Variants in TECRL observed in about 807,000 individuals in gnomAD.
The protein encoded by TECRL is trans-2,3-enoyl-CoA reductase like.
A neutral mutation model predicts 52.8 loss-of-function variants in TECRL; 63 were observed. That is an observed-to-expected ratio of 1.19 (90% CI 0.97 to 1.47). The LOEUF (loss-of-function observed/expected upper bound fraction) is 1.47. Ranked by LOEUF, TECRL falls within the 40% of genes most tolerant of loss-of-function variation. TECRL has a pLI of 0.00. For synonymous variants in TECRL, 164 were observed against 141.9 expected, an observed-to-expected ratio of 1.16 and a Z score of -1.10; for missense variants, 482 against 429.6, an observed-to-expected ratio of 1.12 and a Z score of -1.08.
At chr4:64,329,664 A>G (rs1718495363) in intron 2 of TECRL, among the ~76,000 whole-genome samples, 1 of 151,908 alleles carries the variant, frequency 6.6e-6, no homozygotes, top group African/African-American at 2.4e-5. Context: ...CATAGCTGAG[A>G]GATGCTACTT....
At chr4:64,384,814 T>C (rs1723061979) in intron 1 of TECRL, among the ~76,000 whole-genome samples, 1 of 152,168 alleles carries the variant, frequency 6.6e-6, no homozygotes, top group Non-Finnish European at 1.5e-5. Context: ...GCATGAATTC[T>C]TGTGGCTTCA....
intron 1 of TECRL, among the ~76,000 whole-genome samples, chr4:64,399,356 C>CA (rs984027156): frequency 8.6e-5 from 13 of 151,198 alleles, no homozygotes; most frequent in South Asian, 4.2e-4. Context: ...TAAATGTTTG[C>CA]AAAAAAAATG....
rs543536846 is a variant in TECRL at position 64,339,203 on chromosome 4, T to C, written c.287-10647A>G. 3.8e-3 allele frequency among the ~76,000 whole-genome samples: 566 copies of C among 147,752 alleles called. 1 individual carries two copies. The highest frequency in any genetic ancestry group is 6.4e-3 in the Non-Finnish European group (433 of 67,554). Reference sequence around the variant, plus strand: ...CAATGGCAAAAAACCAAACACCACATGTTCTCACTCATAGGTGGGAATTGA... The same window carrying C: ...CAATGGCAAAAAACCAAACACCACACGTTCTCACTCATAGGTGGGAATTGA... On this transcript the variant is annotated intron_variant, in intron 2 of 11. Coordinates refer to ENST00000381210, the MANE Select transcript of TECRL (RefSeq NM_001010874.5).
chr4:64,328,989 G>C (rs1718444272), intron 2 of TECRL, among the ~76,000 whole-genome samples: 1 of 151,996 alleles, frequency 6.6e-6, no homozygotes, highest in Non-Finnish European at 1.5e-5. Flanking sequence ...TCTATCAAGA[G>C]TAAATACTAA....
intron 8 of TECRL, among the ~76,000 whole-genome samples, chr4:64,299,416 A>C (rs116796258): frequency 6.4e-4 from 97 of 151,384 alleles, no homozygotes; most frequent in African/African-American, 2.3e-3. Flanking sequence ...ACTTAAAAAA[A>C]GTGTCAAATG....
intron 2 of TECRL, among the ~76,000 whole-genome samples, chr4:64,369,979 G>T (rs2109654475): frequency 6.6e-6 from 1 of 151,778 alleles, no homozygotes; most frequent in East Asian, 1.9e-4. Flanking sequence ...CAGATTGAAA[G>T]AGTGAGGAAA....
chr4:64,282,941 C>A (rs1420107429), intron 9 of TECRL, among the ~76,000 whole-genome samples: 2 of 151,918 alleles, frequency 1.3e-5, no homozygotes, highest in Non-Finnish European at 2.9e-5. Context: ...AGGTTTTTTA[C>A]ATTAAAATGC....
Position 64,322,779 on chromosome 4 carries a change from CAAAAAAGGCCCGCCTA to C in TECRL, c.332-3_344del. 6.2e-7 allele frequency: 1 copy of C among 1,602,362 alleles called. No homozygotes were observed. Among genetic ancestry groups the C allele is most frequent in the Non-Finnish European group, 8.5e-7 (1 of 1,175,014 alleles). On this transcript the variant is annotated splice_acceptor_variant and splice_polypyrimidine_tract_variant and coding_sequence_variant and intron_variant, in exon 4 of 12. Transcript: ENST00000381210. LOFTEE classifies it high-confidence loss of function. ...TACTTTGAATGGTAATGTAGTCCTT[CAAAAAAGGCCCGCCTA>C]AAATAAAAATAACAAGAAAATTTTA...
intron 2 of TECRL, among the ~76,000 whole-genome samples, chr4:64,371,761 T>C (rs1721987901): frequency 6.6e-6 from 1 of 151,750 alleles, no homozygotes; most frequent in Non-Finnish European, 1.5e-5. Flanking sequence ...CGTTTCTACT[T>C]ACATCTATAT....
intron 1 of TECRL, among the ~76,000 whole-genome samples, chr4:64,402,059 A>G (rs144763199): frequency 0.01 from 1,598 of 152,206 alleles, 34 homozygotes; most frequent in African/African-American, 0.036. Flanking sequence ...TTTCAGAGTT[A>G]CTTTTCCCTT....
chr4:64,365,168 T>C (rs1601080), intron 2 of TECRL, among the ~76,000 whole-genome samples: 135,947 of 151,274 alleles, frequency 0.9, 61,745 homozygotes, highest in East Asian at 1. Context: ...TCTCAATAGA[T>C]GCAAAAAGGC....
intron 6 of TECRL, among the ~76,000 whole-genome samples, chr4:64,309,564 A>C (rs1724545006): frequency 6.6e-6 from 1 of 152,168 alleles, no homozygotes; most frequent in Admixed American, 6.5e-5. Context: ...TTCAGTGCTT[A>C]GTATTACCAA....
At chr4:64,287,329 T>C (rs1215897199) in intron 9 of TECRL, among the ~76,000 whole-genome samples, 3 of 152,186 alleles carry the variant, frequency 2.0e-5, no homozygotes, top group African/African-American at 7.2e-5. Context: ...TTCACCATTG[T>C]TCTAATAAAA....
intron 4 of TECRL, among the ~76,000 whole-genome samples, chr4:64,316,621 G>A (rs2110016313): frequency 6.6e-6 from 1 of 151,946 alleles, no homozygotes; most frequent in East Asian, 1.9e-4. Context: ...TCTACTAAAG[G>A]GAAATAAAAC....
intron 2 of TECRL, among the ~76,000 whole-genome samples, chr4:64,360,096 A>T (rs1721069159): frequency 6.6e-6 from 1 of 152,176 alleles, no homozygotes; most frequent in Non-Finnish European, 1.5e-5. Flanking sequence ...CATATGTTCA[A>T]AGTATGATTT....
At chr4:64,406,024 C>CTAGG (rs1324574354) in intron 1 of TECRL, among the ~76,000 whole-genome samples, 2 of 151,938 alleles carry the variant, frequency 1.3e-5, no homozygotes, top group East Asian at 3.9e-4. Flanking sequence ...TGAATTGGGA[C>CTAGG]TAGGATACAG....
intron 7 of TECRL, 25 bp from the exon 8 acceptor site, chr4:64,300,042 C>G (rs1191889473): frequency 6.5e-7 from 1 of 1,536,378 alleles, no homozygotes; most frequent in South Asian, 1.3e-5. Context: ...AAGAATATGT[C>G]ATGCAGATAC....
At chr4:64,306,187 T>C (rs1577839501) in intron 6 of TECRL, among the ~76,000 whole-genome samples, 1 of 152,148 alleles carries the variant, frequency 6.6e-6, no homozygotes, top group Non-Finnish European at 1.5e-5. Flanking sequence ...TAAGAGTGAA[T>C]AGCATGGCTG....
chr4:64,289,913 T>C, intron 8 of TECRL, 146 bp from the exon 9 acceptor site: 1 of 469,468 alleles, frequency 2.1e-6, no homozygotes, highest in Non-Finnish European at 3.6e-6. Context: ...TAAAGAGAAA[T>C]TTTTTTTAAT....
Sources: allele counts gnomAD v4.1 joint callset (sites outside exome capture counted in the v4.1 genomes callset), GRCh38; gene constraint gnomAD v4.1.1; transcripts MANE v1.5; gene names NCBI Gene and HGNC (gene_info 2026-07-23, HGNC 2026-07-21).